The following ACTR3B variants were observed in gnomAD, a reference collection of about 807,000 sequenced individuals.
ACTR3B encodes actin related protein 3B.
Under a neutral mutation model 59.0 loss-of-function variants are expected in ACTR3B, and 8 were observed. That is an observed-to-expected ratio of 0.14 (90% CI 0.08 to 0.24). The LOEUF (loss-of-function observed/expected upper bound fraction) is 0.24. Among genes scored for constraint, ACTR3B ranks in the 10% least tolerant of loss-of-function variants. The pLI is 1.00. For synonymous variants in ACTR3B, 148 were observed against 197.9 expected (o/e 0.75, Z 2.12); for missense variants, 245 against 552.3 (o/e 0.44, Z 5.58).
chr7:152,799,574 T>C (rs1385853115), intron 2 of ACTR3B, among the ~76,000 whole-genome samples: 1 of 152,234 alleles, frequency 6.6e-6, no homozygotes, highest in Non-Finnish European at 1.5e-5. Context: ...AGATGGGGGT[T>C]ATCTGATGTC....
chr7:152,804,574 G>T (rs952598147), intron 4 of ACTR3B, among the ~76,000 whole-genome samples: 4 of 152,174 alleles, frequency 2.6e-5, no homozygotes, highest in Admixed American at 2.0e-4. Context: ...CGAGGAGGGC[G>T]TAGGGTGAGA....
chr7:152,829,075 T>C (rs1174180960), intron 9 of ACTR3B, among the ~76,000 whole-genome samples: 1 of 151,058 alleles, frequency 6.6e-6, no homozygotes, highest in African/African-American at 2.4e-5. Flanking sequence ...CACACACACA[T>C]CAAGAGCAGG....
intron 2 of ACTR3B, among the ~76,000 whole-genome samples, chr7:152,798,330 T>C (rs567563003): frequency 6.6e-6 from 1 of 152,350 alleles, no homozygotes; most frequent in Non-Finnish European, 1.5e-5. Flanking sequence ...CATTTGTATG[T>C]CTTCTTTTGA....
At chr7:152,812,050 A>G (rs1167334587) in intron 4 of ACTR3B, 11 of 15,722 alleles carry the variant, frequency 7.0e-4, no homozygotes, top group African/African-American at 4.0e-3. Flanking sequence ...TTTTTTTTTG[A>G]GACGGAGTCT....
intron 4 of ACTR3B, among the ~76,000 whole-genome samples, chr7:152,805,476 C>T (rs527615812): frequency 1.3e-5 from 2 of 152,282 alleles, no homozygotes; most frequent in South Asian, 4.1e-4. Context: ...AAAAATAAAA[C>T]GTACCATCCA....
intron 6 of ACTR3B, 41 bp from the exon 7 acceptor site, chr7:152,820,258 A>C (rs1326360782): frequency 6.4e-7 from 1 of 1,574,724 alleles, no homozygotes. Context: ...CTCCACCACG[A>C]AATCACTAAC....
chr7:152,788,411 G>GT (rs1194612264), intron 2 of ACTR3B, among the ~76,000 whole-genome samples: 17,902 of 130,442 alleles, frequency 0.14, 1,101 homozygotes, highest in African/African-American at 0.25. Context: ...ATGTTCTAAA[G>GT]TTTTTTTTTT....
chr7:152,803,839 G>A (rs2098244143), intron 4 of ACTR3B, among the ~76,000 whole-genome samples: 1 of 152,318 alleles, frequency 6.6e-6, no homozygotes, highest in South Asian at 2.1e-4. Flanking sequence ...CATGTGTTGT[G>A]CTTTGAATTC....
chr7:152,821,734 C>T (rs911464074), intron 7 of ACTR3B, among the ~76,000 whole-genome samples: 10 of 152,216 alleles, frequency 6.6e-5, no homozygotes, highest in African/African-American at 1.9e-4. Context: ...TCATAGCCTC[C>T]GAGTCAGCTG....
At chr7:152,771,742 G>A (rs1448562193) in intron 1 of ACTR3B, among the ~76,000 whole-genome samples, 1 of 152,184 alleles carries the variant, frequency 6.6e-6, no homozygotes, top group Non-Finnish European at 1.5e-5. Flanking sequence ...AAAAAATTCA[G>A]AGTCATTAAA....
intron 7 of ACTR3B, among the ~76,000 whole-genome samples, chr7:152,822,553 C>T (rs1431738662): frequency 6.6e-6 from 1 of 152,264 alleles, no homozygotes; most frequent in East Asian, 1.9e-4. Context: ...CCACCTGACT[C>T]TGCTTTTCCT....
intron 4 of ACTR3B, chr7:152,812,126 G>A (rs145599989): frequency 0.054 from 4,244 of 77,894 alleles, 897 homozygotes; most frequent in Middle Eastern, 0.12. Flanking sequence ...CGCCTCCCAC[G>A]TTCAAGCAAT....
At chr7:152,790,111 G>A (rs1178834826) in intron 2 of ACTR3B, among the ~76,000 whole-genome samples, 1 of 145,366 alleles carries the variant, frequency 6.9e-6, no homozygotes, top group Non-Finnish European at 1.5e-5. Flanking sequence ...TCCCACCTCA[G>A]CCTCCCAAGT....
Position 152,789,064 on chromosome 7 carries a change from A to AACAACAACAACAAC in ACTR3B, c.100+5823_100+5824insCAACAACAACAACA, listed in dbSNP as rs374527960. On this transcript the variant is annotated intron_variant, in intron 2 of 11. Coordinates refer to ENST00000256001, the MANE Select transcript of ACTR3B (RefSeq NM_020445.6). The stretch of plus-strand genomic sequence containing the variant: ...AACAACAACAACAAACAGCAACAAC[A>AACAACAACAACAAC]AACAACAACAACAACAACAAAGCCC... 1.0e-3 allele frequency among the ~76,000 whole-genome samples: 142 copies of AACAACAACAACAAC among 137,872 alleles called. No homozygotes were observed. In the Middle Eastern group the frequency reaches 0.019, roughly 18 times the overall value. The allele number at this position is 137,872 out of a possible 152,430, so 90.4% of individuals were successfully genotyped here.
chr7:152,801,018 A>G (rs1414765683), intron 3 of ACTR3B, among the ~76,000 whole-genome samples: 2 of 150,734 alleles, frequency 1.3e-5, no homozygotes, highest in East Asian at 3.9e-4. Context: ...TTTTTTTTTT[A>G]AAGCTCCAGA....
chr7:152,778,172 T>C (rs573486955), intron 1 of ACTR3B, among the ~76,000 whole-genome samples: 3 of 151,788 alleles, frequency 2.0e-5, no homozygotes, highest in South Asian at 2.1e-4. Flanking sequence ...TATCTCTTCC[T>C]AAGGAATCTT....
intron 4 of ACTR3B, among the ~76,000 whole-genome samples, chr7:152,804,350 G>A (rs773309729): frequency 6.6e-6 from 1 of 152,216 alleles, no homozygotes; most frequent in African/African-American, 2.4e-5. Context: ...ACATGCAGAC[G>A]ACCAGCAATG....
chr7:152,839,276 C>T (rs1443015241), intron 9 of ACTR3B, among the ~76,000 whole-genome samples: 1 of 142,798 alleles, frequency 7.0e-6, no homozygotes, highest in Non-Finnish European at 1.5e-5. Flanking sequence ...GGGGGTGGCG[C>T]CCATGTGTGT....
At chr7:152,785,493 C>CAG (rs1194127436) in intron 2 of ACTR3B, among the ~76,000 whole-genome samples, 3 of 58,664 alleles carry the variant, frequency 5.1e-5, no homozygotes, top group Non-Finnish European at 6.4e-5. Context: ...GAGAGAGAGA[C>CAG]AGAGAGAGAG....
Sources: gnomAD v4.1 joint callset for allele counts (sites outside exome capture counted in the v4.1 genomes callset) on GRCh38, gnomAD v4.1.1 for gene constraint, MANE v1.5 for transcripts, NCBI Gene and HGNC (gene_info 2026-07-23, HGNC 2026-07-21) for gene names.